Variants in HOMER1 observed in about 807,000 individuals in gnomAD.
HOMER1 encodes homer protein homolog 1.
HOMER1 carries 3 observed loss-of-function variants against 48.9 expected under a neutral mutation model. That is an observed-to-expected ratio of 0.06 (90% CI 0.03 to 0.16). The LOEUF is 0.16. HOMER1 is among the 10% of genes least tolerant of loss of function. The pLI is 1.00. For missense variants in HOMER1, 247 were observed against 411.4 expected (o/e 0.60, Z 3.46); for synonymous variants, 134 against 146.4 (o/e 0.92, Z 0.61).
chr5:79,425,465 A>G (rs1750221185), intron 5 of HOMER1, among the ~76,000 whole-genome samples: 1 of 151,984 alleles, frequency 6.6e-6, no homozygotes, highest in Non-Finnish European at 1.5e-5. Context: ...GTTCAAGATA[A>G]TTCTCTCTCT....
At chr5:79,387,539 C>T (rs1226183494) in intron 8 of HOMER1, among the ~76,000 whole-genome samples, 2 of 152,142 alleles carry the variant, frequency 1.3e-5, no homozygotes, top group East Asian at 3.8e-4. Flanking sequence ...CCCTATAAGA[C>T]TGTTACCTTC....
chr5:79,460,115 G>A (rs1404068936), intron 1 of HOMER1, among the ~76,000 whole-genome samples: 2 of 152,022 alleles, frequency 1.3e-5, no homozygotes, highest in East Asian at 1.9e-4. Context: ...TCAGCTTCCC[G>A]AGTTGCTAGG....
At position 79,466,899 on chromosome 5, in the gene HOMER1, C is replaced by T. The variant is rs531345922; in HGVS notation, c.6-9881G>A. 8.5e-4 allele frequency among the ~76,000 whole-genome samples: 129 copies of T among 152,112 alleles called. 1 individual carries two copies. Among genetic ancestry groups the T allele is most frequent in the African/African-American group, 2.9e-3 (119 of 41,538 alleles). On this transcript the variant is annotated intron_variant, in intron 1 of 8. Transcript: ENST00000334082. ...CTCTGCCCCCTGGATTCAAGCAATT[C>T]TCCTGCCTCAGCCTCCCAAGTAGCT...
At chr5:79,489,299 G>A (rs1408309845) in intron 1 of HOMER1, among the ~76,000 whole-genome samples, 1 of 152,094 alleles carries the variant, frequency 6.6e-6, no homozygotes, top group Non-Finnish European at 1.5e-5. Flanking sequence ...ACTAAGTGGT[G>A]GACATTTCTA....
chr5:79,377,640 G>A (rs1384559996), intron 8 of HOMER1, among the ~76,000 whole-genome samples: 1 of 152,030 alleles, frequency 6.6e-6, no homozygotes, highest in Non-Finnish European at 1.5e-5. Flanking sequence ...ATCTCTAAAG[G>A]AATTCTATCA....
intron 5 of HOMER1, among the ~76,000 whole-genome samples, chr5:79,413,961 T>C (rs1399956675): frequency 1.3e-5 from 2 of 152,186 alleles, no homozygotes; most frequent in Non-Finnish European, 2.9e-5. Context: ...TAGCCTAGTA[T>C]ATGAAGGAAA....
chr5:79,482,854 A>C (rs1751983986), intron 1 of HOMER1, among the ~76,000 whole-genome samples: 1 of 151,738 alleles, frequency 6.6e-6, no homozygotes, highest in African/African-American at 2.4e-5. Flanking sequence ...AAAAAAAAAA[A>C]TAGCTGGACA....
intron 1 of HOMER1, among the ~76,000 whole-genome samples, chr5:79,502,021 A>ATTTTTTT (rs10674187): frequency 7.7e-6 from 1 of 130,058 alleles, no homozygotes. Flanking sequence ...GGTCCTGATA[A>ATTTTTTT]TTTTTTTTTT....
intron 1 of HOMER1, among the ~76,000 whole-genome samples, chr5:79,477,445 C>T (rs898708773): frequency 1.3e-5 from 2 of 152,236 alleles, no homozygotes; most frequent in African/African-American, 2.4e-5. Flanking sequence ...TTGTCATTCA[C>T]AAGTTCTATC....
intron 1 of HOMER1, among the ~76,000 whole-genome samples, chr5:79,503,697 T>C (rs1249653258): frequency 7.0e-6 from 1 of 142,234 alleles, no homozygotes; most frequent in Non-Finnish European, 1.5e-5. Flanking sequence ...AAAAATTAGC[T>C]GGGTGGGATT....
intron 3 of HOMER1, among the ~76,000 whole-genome samples, chr5:79,450,256 AG>A (rs1750994882): frequency 6.6e-6 from 1 of 152,188 alleles, no homozygotes; most frequent in African/African-American, 2.4e-5. Context: ...TGAAGAGAAA[AG>A]TGAGTTTTAC....
intron 5 of HOMER1, among the ~76,000 whole-genome samples, chr5:79,414,442 C>A (rs1265437737): frequency 6.6e-6 from 1 of 151,910 alleles, no homozygotes; most frequent in East Asian, 1.9e-4. Context: ...TGCAGTGGTG[C>A]AAACATAGCT....
At chr5:79,503,070 A>C (rs897256855) in intron 1 of HOMER1, among the ~76,000 whole-genome samples, 3 of 151,912 alleles carry the variant, frequency 2.0e-5, no homozygotes, top group African/African-American at 4.8e-5. Context: ...TACAGGCGTG[A>C]GCCACTGCGC....
rs1748696827 is a variant in HOMER1, at chr5:79,373,988, A to G, written c.*2021T>C. On this transcript the variant is annotated 3_prime_UTR_variant, in exon 9 of 9. Coordinates refer to ENST00000334082, the MANE Select transcript of HOMER1 (RefSeq NM_004272.5). Reference sequence around the variant, plus strand: ...TCAAAATTTAAAAATATTTTATTACATCATTAAAATAATTCACTTGCCATT... The same window carrying G: ...TCAAAATTTAAAAATATTTTATTACGTCATTAAAATAATTCACTTGCCATT... 1 of 151,974 alleles carries G rather than the reference A, an allele frequency of 6.6e-6. No homozygotes were observed. Among genetic ancestry groups the G allele is most frequent in the Non-Finnish European group, 1.5e-5 (1 of 67,854 alleles). 9.4% of individuals were successfully genotyped at this position (151,974 alleles called of 1,614,324 possible). A position where few individuals can be genotyped will look rare whatever the true frequency, so the allele number is the denominator to read the frequency against.
chr5:79,459,124 G>A (rs1173479488), intron 1 of HOMER1, among the ~76,000 whole-genome samples: 1 of 151,832 alleles, frequency 6.6e-6, no homozygotes, highest in Non-Finnish European at 1.5e-5. Flanking sequence ...GTTTTCATTT[G>A]GTAGGGGTTA....
In HOMER1 at chr5:79,402,020, G is replaced by A; in HGVS notation, c.563C>T (p.Ala188Val). Residue 188 changes from alanine to valine, a missense_variant, in exon 6 of 9, where the codon GCT becomes GTT. Physicochemically the swap from Ala to Val is moderately conservative, Grantham distance 64 (BLOSUM62 0). Around this residue, in one of 4 missense-constraint regions of HOMER1, gnomAD observed 94 missense variants for 112.4 expected, o/e 0.84. Coordinates refer to ENST00000334082, the MANE Select transcript of HOMER1 (RefSeq NM_004272.5). ...TTTGGCATTATTTCCTTTGAGGGTA[G>A]CCAGTTCAGCCTCCCAATGTTTGCT... ...AISKHWEAEL[A>V]TLKGNNAKLT... 1 of 1,613,770 alleles carries A rather than the reference G, an allele frequency of 6.2e-7. No individual in the cohort carries two copies. Among genetic ancestry groups the A allele is most frequent in the South Asian group, 1.1e-5 (1 of 91,072 alleles).
intron 1 of HOMER1, among the ~76,000 whole-genome samples, chr5:79,500,374 T>C (rs1580039648): frequency 6.6e-6 from 1 of 152,144 alleles, no homozygotes; most frequent in Non-Finnish European, 1.5e-5. Context: ...TAGAAGAGCT[T>C]TGGCTTAAAA....
chr5:79,443,225 A>T (rs1038087468), intron 4 of HOMER1, among the ~76,000 whole-genome samples: 3 of 152,262 alleles, frequency 2.0e-5, no homozygotes, highest in African/African-American at 7.2e-5. Context: ...AATGAAAGCC[A>T]GGCTAAATAC....
intron 1 of HOMER1, among the ~76,000 whole-genome samples, chr5:79,508,570 T>C (rs538313580): frequency 6.6e-6 from 1 of 152,348 alleles, no homozygotes; most frequent in Non-Finnish European, 1.5e-5. Flanking sequence ...AAGCTTGTCA[T>C]GCCAAACTCC....
Sources: gnomAD v4.1 joint callset for allele counts (sites outside exome capture counted in the v4.1 genomes callset) on GRCh38, gnomAD v4.1.1 for gene constraint, gnomAD v4.1.1 regional missense constraint, MANE v1.5 for transcripts, NCBI Gene and HGNC (gene_info 2026-07-23, HGNC 2026-07-21) for gene names.